The following LUC7L3 variants were observed in gnomAD, a reference collection of about 807,000 sequenced individuals.
The protein encoded by LUC7L3 is LUC7 like 3 pre-mRNA splicing factor, also known as luc7-like protein 3.
A neutral mutation model predicts 66.8 loss-of-function variants in LUC7L3; 6 were observed. That is an observed-to-expected ratio of 0.09 (90% CI 0.05 to 0.18). LUC7L3 has a LOEUF of 0.18. Ranked by LOEUF, LUC7L3 falls within the 10% of genes least tolerant of loss-of-function variation. The pLI is 1.00. For missense variants in LUC7L3, 341 were observed against 531.1 expected, an observed-to-expected ratio of 0.64 and a Z score of 3.52; for synonymous variants, 160 against 174.7, an observed-to-expected ratio of 0.92 and a Z score of 0.66.
intron 9 of LUC7L3, chr17:50,749,104 C>G (rs1970855113): frequency 1.7e-6 from 1 of 597,024 alleles, no homozygotes; most frequent in South Asian, 2.3e-5. Flanking sequence ...CTGTCAGCAA[C>G]CAGTGTAAGG....
rs948741476 is a variant in LUC7L3, at chr17:50,753,977, G to A, written c.*3316G>A. 6.6e-6 allele frequency: 1 copy of A among 152,176 alleles called. No individual in the cohort carries two copies. The highest frequency in any genetic ancestry group is 6.5e-5 in the Admixed American group (1 of 15,280). The allele number at this position is 152,176 out of a possible 1,614,324, so 9.4% of individuals were successfully genotyped here. On this transcript the variant is annotated 3_prime_UTR_variant, in exon 10 of 10. Transcript: ENST00000505658. ...CATCTATGACTAAGGCCTGGCTTTA[G>A]TTATGGAGAGAGACGTAGAAGTTGA...
chr17:50,744,557 A>C (rs548037944), intron 6 of LUC7L3, 95 bp from the exon 7 acceptor site: 3 of 1,154,600 alleles, frequency 2.6e-6, no homozygotes, highest in Non-Finnish European at 3.6e-6. Context: ...AGAGCAATTC[A>C]CACACATTAG....
rs1971090615 is a variant in LUC7L3, at chr17:50,755,284, AGTT to A, written c.*4627_*4629del. On this transcript the variant is annotated 3_prime_UTR_variant, in exon 10 of 10. Coordinates refer to ENST00000505658, the MANE Select transcript of LUC7L3 (RefSeq NM_016424.5). ...GCTGCTGTTAACAGTTATTCTTCCA[AGTT>A]GTTTTCTTTGTGGGGAGATGGGAGG... The A allele has an allele frequency of 6.6e-6, 1 of 152,106 alleles. No homozygotes were observed. Among genetic ancestry groups the A allele is most frequent in the African/African-American group, 2.4e-5 (1 of 41,420 alleles). The allele number at this position is 152,106 out of a possible 1,614,324, so 9.4% of individuals were successfully genotyped here.
At chr17:50,740,892 A>G (rs548756256) in intron 3 of LUC7L3, among the ~76,000 whole-genome samples, 4 of 152,318 alleles carry the variant, frequency 2.6e-5, no homozygotes, top group African/African-American at 9.6e-5. Flanking sequence ...TCCTAGGTCC[A>G]GGGTCATAGA....
chr17:50,751,790 G>A lies in LUC7L3; in HGVS notation c.*1129G>A. 2.0e-6 allele frequency: 2 copies of A among 1,016,672 alleles called. No individual in the cohort carries two copies. Among genetic ancestry groups the A allele is most frequent in the Non-Finnish European group, 2.4e-6 (2 of 848,174 alleles). The allele number at this position is 1,016,672 out of a possible 1,614,324, so 63.0% of individuals were successfully genotyped here. ...GCAAGGACAGACACCTTCAATTTGT[G>A]AAATCAAAGAACTGATGCACTATAT... On this transcript the variant is annotated 3_prime_UTR_variant, in exon 10 of 10. Coordinates refer to ENST00000505658, the MANE Select transcript of LUC7L3 (RefSeq NM_016424.5).
chr17:50,733,248 GTT>G (rs57619229), intron 1 of LUC7L3, among the ~76,000 whole-genome samples: 1 of 144,438 alleles, frequency 6.9e-6, no homozygotes, highest in Admixed American at 6.9e-5. Context: ...GTAAAACTTT[GTT>G]TTTTTTTTTT....
At chr17:50,721,554 G>A (rs1968766758) in intron 1 of LUC7L3, among the ~76,000 whole-genome samples, 1 of 152,226 alleles carries the variant, frequency 6.6e-6, no homozygotes, top group Admixed American at 6.5e-5. Context: ...CTTCACTCTA[G>A]ATTGAAGGAT....
chr17:50,724,519 T>A (rs1969025878), intron 1 of LUC7L3, among the ~76,000 whole-genome samples: 1 of 150,616 alleles, frequency 6.6e-6, no homozygotes, highest in Non-Finnish European at 1.5e-5. Flanking sequence ...ACACTCTGTC[T>A]CAAAAAAAAA....
chr17:50,726,463 C>T (rs983898853), intron 1 of LUC7L3, among the ~76,000 whole-genome samples: 14 of 152,132 alleles, frequency 9.2e-5, no homozygotes, highest in African/African-American at 2.9e-4. Context: ...TAAGCCACAG[C>T]GCCTGGCCTA....
At chr17:50,740,376 C>G in intron 3 of LUC7L3, 31 bp downstream of exon 3, 1 of 1,593,214 alleles carries the variant, frequency 6.3e-7, no homozygotes, top group Non-Finnish European at 8.5e-7. Flanking sequence ...TTTCCACCCC[C>G]CCAGTTATTA....
intron 1 of LUC7L3, among the ~76,000 whole-genome samples, chr17:50,726,415 G>A (rs754971535): frequency 2.6e-5 from 4 of 152,044 alleles, no homozygotes; most frequent in Non-Finnish European, 5.9e-5. Flanking sequence ...TAAGTGATCC[G>A]CCCACCTTGG....
intron 1 of LUC7L3, among the ~76,000 whole-genome samples, chr17:50,729,193 C>T (rs539989008): frequency 1.3e-4 from 20 of 150,146 alleles, no homozygotes; most frequent in South Asian, 1.3e-3. Context: ...TGAATAAAAG[C>T]GAGGTAATTA....
chr17:50,733,511 C>T (rs868049060), intron 1 of LUC7L3, among the ~76,000 whole-genome samples: 2 of 151,476 alleles, frequency 1.3e-5, no homozygotes, highest in Admixed American at 6.6e-5. Context: ...ACGCCATTCT[C>T]CTGCCTCAGC....
intron 9 of LUC7L3, among the ~76,000 whole-genome samples, chr17:50,749,498 A>G (rs1970873749): frequency 6.6e-6 from 1 of 152,156 alleles, no homozygotes; most frequent in African/African-American, 2.4e-5. Flanking sequence ...CAGTTCTCTG[A>G]GTGGGTGCCC....
intron 1 of LUC7L3, among the ~76,000 whole-genome samples, chr17:50,729,197 G>A (rs7209799): frequency 0.38 from 57,252 of 151,916 alleles, 10,894 homozygotes; most frequent in Middle Eastern, 0.41. Flanking sequence ...TAAAAGCGAG[G>A]TAATTACCCA....
chr17:50,752,178 T>C lies in LUC7L3; in HGVS notation c.*1517T>C. ...TTTACATGTTGTCTAATTATCATTT[T>C]TCCCCAAATTTTGCGTTGTAGGACT... On this transcript the variant is annotated 3_prime_UTR_variant, in exon 10 of 10. Transcript: ENST00000505658. The C allele has an allele frequency of 7.8e-7, 1 of 1,284,586 alleles. No homozygotes were observed. The highest frequency in any genetic ancestry group is 1.0e-6 in the Non-Finnish European group (1 of 986,618). The allele number at this position is 1,284,586 out of a possible 1,614,324, so 79.6% of individuals were successfully genotyped here.
chr17:50,745,750 G>A lies in LUC7L3; in HGVS notation c.724G>A (p.Asp242Asn). Residue 242 changes from aspartate (D) to asparagine (N), a missense_variant, in exon 8 of 10, where the codon GAT becomes AAT. This residue lies in a region of LUC7L3 where 210 missense variants were observed against 238.1 expected (regional missense o/e 0.88). Coordinates refer to ENST00000505658, the MANE Select transcript of LUC7L3 (RefSeq NM_016424.5). ...EKLRKRTEEP[D>N]RDERLKKEKQ... Reference sequence around the variant, plus strand: ...GTTAAGGAAAAGAACCGAAGAACCTGATCGTGATGAGCGTCTAAAAAAGGA... The same window carrying A: ...GTTAAGGAAAAGAACCGAAGAACCTAATCGTGATGAGCGTCTAAAAAAGGA... The A allele has an allele frequency of 6.3e-7, 1 of 1,589,066 alleles. No individual in the cohort carries two copies. Among genetic ancestry groups the A allele is most frequent in the Non-Finnish European group, 8.5e-7 (1 of 1,173,810 alleles).
intron 9 of LUC7L3, among the ~76,000 whole-genome samples, chr17:50,749,865 G>C (rs908695245): frequency 6.6e-6 from 1 of 152,130 alleles, no homozygotes; most frequent in Non-Finnish European, 1.5e-5. Flanking sequence ...TTCATTTGCA[G>C]CTGAGTTGAA....
chr17:50,743,928 G>A, intron 6 of LUC7L3, 118 bp downstream of exon 6: 1 of 729,376 alleles, frequency 1.4e-6, no homozygotes, highest in Non-Finnish European at 2.3e-6. Context: ...ACAATTTGTA[G>A]CCCACAAGGT....
Sources: allele counts gnomAD v4.1 joint callset (sites outside exome capture counted in the v4.1 genomes callset), GRCh38; gene constraint gnomAD v4.1.1; regional missense constraint gnomAD v4.1.1; transcripts MANE v1.5; gene names NCBI Gene and HGNC (gene_info 2026-07-23, HGNC 2026-07-21).